The following DPPA2 variants were observed in gnomAD, a reference collection of about 807,000 sequenced individuals.
DPPA2 encodes developmental pluripotency-associated protein 2.
A neutral mutation model predicts 36.2 loss-of-function variants in DPPA2; 26 were observed. That is an observed-to-expected ratio of 0.72 (90% CI 0.53 to 1.00). DPPA2 has a LOEUF of 1.00. Ranked by LOEUF, DPPA2 falls within the 50% of genes least tolerant of loss-of-function variation. The pLI is 0.00. For missense variants in DPPA2, 361 were observed against 365.1 expected (o/e 0.99, Z 0.09); for synonymous variants, 113 against 123.2 (o/e 0.92, Z 0.55).
chr3:109,294,918 G>A (rs189791427), intron 8 of DPPA2, among the ~76,000 whole-genome samples: 36 of 152,256 alleles, frequency 2.4e-4, no homozygotes, highest in Non-Finnish European at 1.5e-5. Flanking sequence ...CTACTTAAGA[G>A]GCTGAGGCTG....
chr3:109,308,330 G>A (rs779056815), intron 5 of DPPA2, 37 bp from the exon 6 acceptor site: 12 of 1,599,560 alleles, frequency 7.5e-6, no homozygotes, highest in Admixed American at 1.7e-5. Flanking sequence ...TCAGTAAACC[G>A]CTAGGGCTGT....
At chr3:109,296,477 C>T (rs1357587246) in intron 8 of DPPA2, among the ~76,000 whole-genome samples, 2 of 152,142 alleles carry the variant, frequency 1.3e-5, no homozygotes, top group East Asian at 1.9e-4. Flanking sequence ...AAGTTTGAGA[C>T]CAGCCTGACC....
intron 5 of DPPA2, 73 bp downstream of exon 5, chr3:109,308,953 T>G (rs1290878597): frequency 6.5e-7 from 1 of 1,548,886 alleles, no homozygotes; most frequent in Non-Finnish European, 8.9e-7. Flanking sequence ...CACATAGATA[T>G]GGTGCGACGG....
intron 3 of DPPA2, among the ~76,000 whole-genome samples, chr3:109,312,106 G>T (rs1044568283): frequency 6.6e-6 from 1 of 152,130 alleles, no homozygotes; most frequent in Non-Finnish European, 1.5e-5. Context: ...GACTGAGGCG[G>T]GCACATCACT....
chr3:109,295,982 T>A (rs1189344590), intron 8 of DPPA2, among the ~76,000 whole-genome samples: 1 of 152,054 alleles, frequency 6.6e-6, no homozygotes, highest in Non-Finnish European at 1.5e-5. Context: ...CAAATGTCAA[T>A]AGAAACCTCC....
intron 3 of DPPA2, among the ~76,000 whole-genome samples, chr3:109,311,148 A>T (rs989434925): frequency 6.6e-6 from 1 of 152,142 alleles, no homozygotes; most frequent in Non-Finnish European, 1.5e-5. Flanking sequence ...TTTATGCTAC[A>T]TATAGCAGCC....
At chr3:109,308,337 C>G in intron 5 of DPPA2, 44 bp from the exon 6 acceptor site, 1 of 1,577,286 alleles carries the variant, frequency 6.3e-7, no homozygotes, top group Non-Finnish European at 8.6e-7. Flanking sequence ...ACCGCTAGGG[C>G]TGTAAGGACT....
chr3:109,314,474 C>CG, intron 2 of DPPA2, 36 bp downstream of exon 2: 1 of 1,602,044 alleles, frequency 6.2e-7, no homozygotes, highest in South Asian at 1.1e-5. Flanking sequence ...TGAAAAGCGA[C>CG]TGTGAGAAAA....
At position 109,308,131 on chromosome 3, in the gene DPPA2, C is replaced by T. The variant is rs1707613154; in HGVS notation, c.559G>A (p.Ala187Thr). Residue 187 changes from alanine (A) to threonine (T), a missense_variant, in exon 6 of 9, where the codon GCA becomes ACA. Physicochemically the swap from Ala to Thr is moderately conservative, Grantham distance 58 (BLOSUM62 0). Transcript: ENST00000478945. ...VITSAPGAML[A>T]SWARIAARAV... is the part of the protein sequence containing the mutation. ...CTTGCAGCAATTCTTGCCCATGATG[C>T]CAACATGGCTCCCGGTGCTGAAGTT... 6.2e-7 allele frequency: 1 copy of T among 1,614,042 alleles called. No individual in the cohort carries two copies. Among genetic ancestry groups the T allele is most frequent in the Non-Finnish European group, 8.5e-7 (1 of 1,180,034 alleles).
intron 8 of DPPA2, among the ~76,000 whole-genome samples, chr3:109,299,235 G>A (rs1474952590): frequency 6.6e-6 from 1 of 151,428 alleles, no homozygotes; most frequent in Admixed American, 6.6e-5. Flanking sequence ...ACTGGGGGCT[G>A]GGTGCGGTGG....
intron 7 of DPPA2, among the ~76,000 whole-genome samples, chr3:109,302,460 C>G (rs1316574875): frequency 6.6e-6 from 1 of 151,862 alleles, no homozygotes; most frequent in Admixed American, 6.6e-5. Flanking sequence ...TTTTCTTTTT[C>G]TTTTGTTTTT....
chr3:109,307,851 C>A (rs760308490), intron 6 of DPPA2, among the ~76,000 whole-genome samples, 181 bp downstream of exon 6: 2 of 152,132 alleles, frequency 1.3e-5, no homozygotes, highest in Admixed American at 6.5e-5. Context: ...AGAGACCCAT[C>A]CAGACACAAC....
chr3:109,301,093 C>T lies in DPPA2; in HGVS notation c.855-658G>A, dbSNP rs376398141. On this transcript the variant is annotated intron_variant, in intron 7 of 8. Coordinates refer to ENST00000478945, the MANE Select transcript of DPPA2 (RefSeq NM_138815.4). ...TGACTTCCAGGGCTGAGGTGATCCT[C>T]CCACCTCAGCCTCCCCAGTAGTTGG... 5.9e-5 allele frequency among the ~76,000 whole-genome samples: 9 copies of T among 151,504 alleles called. No homozygotes were observed. In the East Asian group the frequency reaches 1.4e-3, roughly 23 times the overall value.
At chr3:109,298,928 C>A (rs1707407633) in intron 8 of DPPA2, among the ~76,000 whole-genome samples, 1 of 151,980 alleles carries the variant, frequency 6.6e-6, no homozygotes. Context: ...TGTCTGTAGT[C>A]CCAGCTACTT....
At chr3:109,314,983 T>C (rs1244038841) in intron 1 of DPPA2, among the ~76,000 whole-genome samples, 1 of 152,180 alleles carries the variant, frequency 6.6e-6, no homozygotes, top group Non-Finnish European at 1.5e-5. Flanking sequence ...GGAGGACTGC[T>C]TGAGCCCAGG....
chr3:109,316,011 G>A (rs898579158), intron 1 of DPPA2, among the ~76,000 whole-genome samples: 2 of 152,196 alleles, frequency 1.3e-5, no homozygotes, highest in African/African-American at 4.8e-5. Context: ...GATCATGGAG[G>A]GTGAGGCTGA....
intron 6 of DPPA2, among the ~76,000 whole-genome samples, chr3:109,306,600 C>G (rs1707570021): frequency 6.6e-6 from 1 of 151,866 alleles, no homozygotes. Flanking sequence ...ATAGCAGACC[C>G]TGGAAATAAA....
At chr3:109,310,185 G>A (rs13065235) in intron 3 of DPPA2, among the ~76,000 whole-genome samples, 26,186 of 143,548 alleles carry the variant, frequency 0.18, 2,995 homozygotes, top group Middle Eastern at 0.31. Flanking sequence ...CCAAGATCGC[G>A]CCATTGCACT....
intron 8 of DPPA2, among the ~76,000 whole-genome samples, chr3:109,297,344 C>T (rs981212228): frequency 6.6e-6 from 1 of 151,900 alleles, no homozygotes; most frequent in Non-Finnish European, 1.5e-5. Flanking sequence ...GCCAACATGG[C>T]GAGACCCCAT....
Sources: gnomAD v4.1 joint callset for allele counts (sites outside exome capture counted in the v4.1 genomes callset) on GRCh38, gnomAD v4.1.1 for gene constraint, MANE v1.5 for transcripts, NCBI Gene and HGNC (gene_info 2026-07-23, HGNC 2026-07-21) for gene names.